ERC2: variants seen among roughly 807,000 people sequenced by gnomAD.
ERC2 encodes ELKS/RAB6-interacting/CAST family member 2, also known as ERC protein 2.
ERC2 carries 42 observed loss-of-function variants against 114.8 expected under a neutral mutation model. The ratio of observed to expected loss-of-function variants is 0.37; its 90% CI spans 0.29 to 0.47. The LOEUF (loss-of-function observed/expected upper bound fraction) is 0.47. Among genes scored for constraint, ERC2 ranks in the 20% least tolerant of loss-of-function variants. ERC2 has a pLI of 0.99. For synonymous variants in ERC2, 454 were observed against 425.5 expected, an observed-to-expected ratio of 1.07 and a Z score of -0.82; for missense variants, 939 against 1,150.7, an observed-to-expected ratio of 0.82 and a Z score of 2.66.
intron 17 of ERC2, among the ~76,000 whole-genome samples, chr3:55,622,296 G>A (rs1280497377): frequency 1.3e-5 from 2 of 152,200 alleles, no homozygotes; most frequent in Non-Finnish European, 2.9e-5. Context: ...GAATGAGTCA[G>A]AAATGTGGTG....
intron 14 of ERC2, among the ~76,000 whole-genome samples, chr3:55,792,157 C>T (rs1393846110): frequency 6.6e-6 from 1 of 152,178 alleles, no homozygotes; most frequent in Non-Finnish European, 1.5e-5. Flanking sequence ...ATGCATAATT[C>T]ATGGCTAAAC....
intron 3 of ERC2, among the ~76,000 whole-genome samples, chr3:56,194,964 T>C (rs1466447834): frequency 6.6e-6 from 1 of 152,216 alleles, no homozygotes; most frequent in African/African-American, 2.4e-5. Context: ...ATACCTCCAA[T>C]AGATACCTAA....
intron 10 of ERC2, chr3:56,002,990 A>C: frequency 1.5e-6 from 1 of 654,874 alleles, no homozygotes; most frequent in Non-Finnish European, 2.2e-6. Flanking sequence ...GGAAAGGGGA[A>C]GAAACTCAAA....
At chr3:55,964,377 G>A (rs1353455141) in intron 12 of ERC2, among the ~76,000 whole-genome samples, 1 of 151,830 alleles carries the variant, frequency 6.6e-6, no homozygotes, top group Non-Finnish European at 1.5e-5. Flanking sequence ...AAATACTATC[G>A]TACATTACTG....
At chr3:55,598,812 A>T (rs1258311192) in intron 17 of ERC2, among the ~76,000 whole-genome samples, 1 of 152,236 alleles carries the variant, frequency 6.6e-6, no homozygotes, top group African/African-American at 2.4e-5. Context: ...CACAGCATTG[A>T]TTAACAAAGG....
intron 17 of ERC2, among the ~76,000 whole-genome samples, chr3:55,524,958 G>A (rs921019681): frequency 4.6e-5 from 7 of 152,158 alleles, no homozygotes; most frequent in Admixed American, 2.6e-4. Flanking sequence ...TCAAAAGACG[G>A]CCACAGGTAC....
At chr3:56,150,101 G>T (rs1364239663) in intron 4 of ERC2, among the ~76,000 whole-genome samples, 2 of 152,120 alleles carry the variant, frequency 1.3e-5, no homozygotes, top group Non-Finnish European at 2.9e-5. Context: ...CCATTTTACT[G>T]CACAGAGTTA....
chr3:55,687,882 T>C lies in ERC2; in HGVS notation c.2848-4023A>G, dbSNP rs977545386. Among the ~76,000 whole-genome samples, 21 of 152,306 alleles carry C rather than the reference T, an allele frequency of 1.4e-4. No individual in the cohort carries two copies. In the East Asian group the frequency reaches 3.1e-3, roughly 22 times the overall value. On this transcript the variant is annotated intron_variant, in intron 16 of 17. Coordinates refer to ENST00000288221, the MANE Select transcript of ERC2 (RefSeq NM_015576.3). ...CAGACACATCTGTAAAGGAAAACAA[T>C]AGGCTTAGGCATGAGCCTGCAAATG...
At chr3:56,100,000 A>C (rs1376927857) in intron 6 of ERC2, among the ~76,000 whole-genome samples, 1 of 152,136 alleles carries the variant, frequency 6.6e-6, no homozygotes, top group Non-Finnish European at 1.5e-5. Flanking sequence ...AGAAAAAAAA[A>C]GGACTGAGGG....
At chr3:56,408,431 A>T (rs894320751) in intron 2 of ERC2, among the ~76,000 whole-genome samples, 2 of 152,018 alleles carry the variant, frequency 1.3e-5, no homozygotes, top group African/African-American at 4.8e-5. Context: ...GATAGGCATA[A>T]TGTGGGACTA....
rs1282029825 is a variant in ERC2, at chr3:55,667,807, C to T, written c.*39+15987G>A. The stretch of plus-strand genomic sequence containing the variant: ...GTTTACGAAAGTTGCCTCCAAGTTG[C>T]AGAACTAGTGAGTGATGGAGCTGGA... On this transcript the variant is annotated intron_variant, in intron 17 of 17. Coordinates refer to ENST00000288221, the MANE Select transcript of ERC2 (RefSeq NM_015576.3). 3.3e-5 allele frequency among the ~76,000 whole-genome samples: 5 copies of T among 152,192 alleles called. No individual in the cohort carries two copies. In the East Asian group the frequency reaches 5.8e-4, roughly 18 times the overall value.
At chr3:56,155,891 A>C (rs1293230326) in intron 4 of ERC2, among the ~76,000 whole-genome samples, 1 of 152,168 alleles carries the variant, frequency 6.6e-6, no homozygotes, top group African/African-American at 2.4e-5. Context: ...AGAATTGTTC[A>C]AATAATATAG....
intron 3 of ERC2, among the ~76,000 whole-genome samples, chr3:56,245,238 C>A (rs1261371982): frequency 6.6e-6 from 1 of 151,318 alleles, no homozygotes; most frequent in African/African-American, 2.4e-5. Context: ...CACTAAGGAT[C>A]ATTGTAACAC....
intron 5 of ERC2, among the ~76,000 whole-genome samples, chr3:56,140,624 C>T (rs143540552): frequency 1.3e-5 from 2 of 152,256 alleles, no homozygotes; most frequent in Non-Finnish European, 2.9e-5. Context: ...ATAAAAAATG[C>T]TATTCTGAAC....
At chr3:55,709,265 AG>A (rs78970308) in intron 15 of ERC2, among the ~76,000 whole-genome samples, 3,288 of 152,292 alleles carry the variant, frequency 0.022, 73 homozygotes, top group African/African-American at 0.054. Context: ...AGTCTTAAAC[AG>A]GGCTATGAAG....
At chr3:56,023,650 C>T (rs1216388952) in intron 7 of ERC2, among the ~76,000 whole-genome samples, 1 of 152,110 alleles carries the variant, frequency 6.6e-6, no homozygotes, top group Admixed American at 6.6e-5. Context: ...TCTATTTCCA[C>T]AACTTGGCCA....
chr3:56,385,369 A>G (rs2059899499), intron 2 of ERC2, among the ~76,000 whole-genome samples: 1 of 152,004 alleles, frequency 6.6e-6, no homozygotes, highest in African/African-American at 2.4e-5. Flanking sequence ...TCATAATCCA[A>G]TCACTTCCCA....
intron 15 of ERC2, among the ~76,000 whole-genome samples, chr3:55,722,055 T>C (rs2064593079): frequency 6.6e-6 from 1 of 152,170 alleles, no homozygotes; most frequent in Non-Finnish European, 1.5e-5. Context: ...TTTTCACTGT[T>C]TTCTGGGATG....
intron 6 of ERC2, among the ~76,000 whole-genome samples, chr3:56,120,452 A>G (rs924124450): frequency 6.6e-6 from 1 of 152,202 alleles, no homozygotes; most frequent in Non-Finnish European, 1.5e-5. Flanking sequence ...TATCCAAAGA[A>G]AAGAAGAAAG....
Sources: gnomAD v4.1 joint callset for allele counts (sites outside exome capture counted in the v4.1 genomes callset) on GRCh38, gnomAD v4.1.1 for gene constraint, MANE v1.5 for transcripts, NCBI Gene and HGNC (gene_info 2026-07-23, HGNC 2026-07-21) for gene names.